The following EHMT2 variants were observed in gnomAD, a reference collection of about 807,000 sequenced individuals.
EHMT2 encodes the protein histone-lysine N-methyltransferase EHMT2.
A neutral mutation model predicts 143.3 loss-of-function variants in EHMT2; 59 were observed. The observed-to-expected ratio is 0.41, with a 90% confidence interval of 0.33 to 0.51. The LOEUF is 0.51. Ranked by LOEUF, EHMT2 falls within the 20% of genes least tolerant of loss-of-function variation. The probability of loss-of-function intolerance (pLI) is 0.18; values close to 1 mark genes in which losing one functional copy is unlikely to be tolerated. For synonymous variants in EHMT2, 604 were observed against 651.5 expected (o/e 0.93, Z 1.11); for missense variants, 1,174 against 1,645.9 (o/e 0.71, Z 4.96).
chr6:31,889,000 G>A lies in EHMT2; in HGVS notation c.1185C>T (p.Pro395=), dbSNP rs1029380899. 1.2e-6 allele frequency: 2 copies of A among 1,600,604 alleles called. No individual in the cohort carries two copies. The highest frequency in any genetic ancestry group is 1.7e-6 in the Non-Finnish European group (2 of 1,175,794). ...GGTTGGGGGAGAGGGTCCCCTCGCT[G>A]GGCAGCTCCAGGGACCCCAGAGGGA... The change falls in exon 10 of 28, where the codon CCC becomes CCT. Residue 395 remains proline, a synonymous_variant. Coordinates refer to ENST00000375537, the Ensembl canonical transcript of EHMT2. This position sits in a 1 kb window ranked among gnomAD's most constrained non-coding sequence, Gnocchi z 7.4.
In EHMT2 at chr6:31,887,981, T is replaced by A; in HGVS notation, c.1746-20A>T. ...CGGGCACTGTGGAAGAAGGAGCTCATGTCCAGGAGCAATAGGGGTGGGGGA... is the reference window on the plus strand; with the variant it reads ...CGGGCACTGTGGAAGAAGGAGCTCAAGTCCAGGAGCAATAGGGGTGGGGGA... On this transcript the variant is annotated intron_variant, in intron 13 of 27. Coordinates refer to ENST00000375537, the Ensembl canonical transcript of EHMT2. 2 of 1,576,556 alleles carry A rather than the reference T, an allele frequency of 1.3e-6. No homozygotes were observed. Among genetic ancestry groups the A allele is most frequent in the Non-Finnish European group, 8.6e-7 (1 of 1,159,548 alleles).
exon 4 of EHMT2, chr6:31,896,496 G>T: frequency 6.2e-7 from 1 of 1,612,900 alleles, no homozygotes. Flanking sequence ...GGGGAAGAGG[G>T]GAATGACTTT....
chr6:31,896,818 C>T (rs1405044337), exon 3 of EHMT2: 3 of 1,612,920 alleles, frequency 1.9e-6, no homozygotes, highest in Non-Finnish European at 2.5e-6. Context: ...CCCCAAAGAG[C>T]CATGAACTGT....
Position 31,880,436 on chromosome 6 carries a change from G to T in EHMT2, c.3453-172C>A. 1 of 882,150 alleles carries T rather than the reference G, an allele frequency of 1.1e-6. No individual in the cohort carries two copies. Among genetic ancestry groups the T allele is most frequent in the Non-Finnish European group, 1.7e-6 (1 of 593,538 alleles). The allele number at this position is 882,150 out of a possible 1,614,324, so 54.6% of individuals were successfully genotyped here. On this transcript the variant is annotated intron_variant, in intron 27 of 27. Coordinates refer to ENST00000375537, the Ensembl canonical transcript of EHMT2. This position sits in a 1 kb window ranked among gnomAD's most constrained non-coding sequence, Gnocchi z 6.6. ...GGACTTTCAGCATCAGCATTGCCTG[G>T]GGACTTTTTAGAAATGCAGAATCCT...
intron 15 of EHMT2, 48 bp downstream of exon 15, chr6:31,887,529 A>G (rs767790519): frequency 1.9e-6 from 3 of 1,551,104 alleles, no homozygotes; most frequent in Non-Finnish European, 2.7e-6. Flanking sequence ...TGCCTGGTAT[A>G]TACATGAAGC....
rs1764425022 is a variant in EHMT2 at position 31,883,725 on chromosome 6, C to T, written c.2916+81G>A. On this transcript the variant is annotated intron_variant, in intron 22 of 27. Transcript: ENST00000375537. This position sits in a 1 kb window ranked among gnomAD's most constrained non-coding sequence, Gnocchi z 5.6. ...CAGCCAACCCTTCCTTGGCCAGGTGCCTTTGCTGGTTTGAAGCTTGTCCAA... is the reference window on the plus strand; with the variant it reads ...CAGCCAACCCTTCCTTGGCCAGGTGTCTTTGCTGGTTTGAAGCTTGTCCAA... 6.4e-7 allele frequency: 1 copy of T among 1,557,850 alleles called. No homozygotes were observed. The highest frequency in any genetic ancestry group is 1.8e-5 in the Admixed American group (1 of 56,994).
chr6:31,883,586 A>C lies in EHMT2; in HGVS notation c.2917-147T>G. ...TGGTGATGGTCCTAGGGTGACGGGT[A>C]ATCAGTATGGTGGTGTCCCCAGGGC... On this transcript the variant is annotated intron_variant, in intron 22 of 27. Coordinates refer to ENST00000375537, the Ensembl canonical transcript of EHMT2. This position sits in a 1 kb window ranked among gnomAD's most constrained non-coding sequence, Gnocchi z 5.6. 1 of 990,832 alleles carries C rather than the reference A, an allele frequency of 1.0e-6. No homozygotes were observed. The highest frequency in any genetic ancestry group is 1.5e-6 in the Non-Finnish European group (1 of 651,058). 61.4% of individuals were successfully genotyped at this position (990,832 alleles called of 1,614,324 possible).
chr6:31,892,540 C>T (rs544971887), exon 7 of EHMT2: 18 of 1,612,994 alleles, frequency 1.1e-5, no homozygotes, highest in African/African-American at 5.3e-5. Flanking sequence ...TCCTGAACGC[C>T]GGGCAGAACC....
chr6:31,881,133 C>T lies in EHMT2; in HGVS notation c.3198-41G>A. Reference sequence around the variant, plus strand: ...CCATGGTTCTGAAGGTGAGTGTGGGCTATTAGGAGGTGGCTCCAGGCCCCA... The same window carrying T: ...CCATGGTTCTGAAGGTGAGTGTGGGTTATTAGGAGGTGGCTCCAGGCCCCA... On this transcript the variant is annotated intron_variant, in intron 25 of 27. Transcript: ENST00000375537. The surrounding 1 kb of genome is among the most constrained non-coding windows in gnomAD (Gnocchi z 4.8). 6.4e-7 allele frequency: 1 copy of T among 1,569,790 alleles called. No individual in the cohort carries two copies. The highest frequency in any genetic ancestry group is 8.8e-7 in the Non-Finnish European group (1 of 1,141,192).
chr6:31,883,602 TC>T lies in EHMT2; in HGVS notation c.2917-164del. The stretch of plus-strand genomic sequence containing the variant: ...GTGACGGGTAATCAGTATGGTGGTG[TC>T]CCCAGGGCTACTGGGAGCTCATATG... On this transcript the variant is annotated intron_variant, in intron 22 of 27. Coordinates refer to ENST00000375537, the Ensembl canonical transcript of EHMT2. This position sits in a 1 kb window ranked among gnomAD's most constrained non-coding sequence, Gnocchi z 5.6. 1.0e-6 allele frequency: 1 copy of T among 967,796 alleles called. No individual in the cohort carries two copies. The highest frequency in any genetic ancestry group is 1.6e-6 in the Non-Finnish European group (1 of 636,022). 60.0% of individuals were successfully genotyped at this position (967,796 alleles called of 1,614,324 possible). A position where few individuals can be genotyped will look rare whatever the true frequency, so the allele number is the denominator to read the frequency against.
rs768844856 is a variant in EHMT2 at position 31,880,807 on chromosome 6, G to A, written c.3318C>T (p.Asn1106=). The A allele has an allele frequency of 4.3e-6, 7 of 1,613,922 alleles. No homozygotes were observed. Among genetic ancestry groups the A allele is most frequent in the Middle Eastern group, 1.6e-4 (1 of 6,062 alleles). ...ACAGGTGGTTGATGAAGCGGCTGAT[G>A]TTGCCATAGTAACGGGCATCTATGC... Residue 1106 remains asparagine, a synonymous_variant, in exon 27 of 28, where the codon AAC becomes AAT. Transcript: ENST00000375537. The surrounding 1 kb of genome is among the most constrained non-coding windows in gnomAD (Gnocchi z 6.6).
At chr6:31,891,833 C>CATGTTTTCTTTTTTAAAT (rs1765726819) in intron 7 of EHMT2, among the ~76,000 whole-genome samples, 1 of 151,558 alleles carries the variant, frequency 6.6e-6, no homozygotes, top group African/African-American at 2.4e-5. Context: ...TTTTTTTAAA[C>CATGTTTTCTTTTTTAAAT]AGTACATGTC....
Position 31,883,963 on chromosome 6 carries a change from G to A in EHMT2, c.2772-13C>T, listed in dbSNP as rs1554260398. The A allele has an allele frequency of 6.1e-5, 99 of 1,612,482 alleles. 1 individual carries two copies. The South Asian group carries it at 7.1e-4, about 12-fold the overall frequency. ...CCGAGCCACGTCCCTGCAGAAGACG[G>A]GAAGAAGGGGCTGGGAAGCTGGAAA... On this transcript the variant is annotated splice_polypyrimidine_tract_variant and intron_variant, in intron 21 of 27. Transcript: ENST00000375537. The surrounding 1 kb of genome is among the most constrained non-coding windows in gnomAD (Gnocchi z 5.6).
exon 14 of EHMT2, chr6:31,887,902 G>A: frequency 6.2e-7 from 1 of 1,609,488 alleles, no homozygotes; most frequent in South Asian, 1.1e-5. Flanking sequence ...GCTGTCAATG[G>A]TGTCAGCCAG....
Position 31,881,140 on chromosome 6 carries a change from G to C in EHMT2, c.3198-48C>G. The C allele has an allele frequency of 6.5e-7, 1 of 1,542,008 alleles. No individual in the cohort carries two copies. The highest frequency in any genetic ancestry group is 9.0e-7 in the Non-Finnish European group (1 of 1,116,186). On this transcript the variant is annotated intron_variant, in intron 25 of 27. Transcript: ENST00000375537. The surrounding 1 kb of genome is among the most constrained non-coding windows in gnomAD (Gnocchi z 4.8). The stretch of plus-strand genomic sequence containing the variant: ...TCTGAAGGTGAGTGTGGGCTATTAG[G>C]AGGTGGCTCCAGGCCCCATCTCTCT...
At chr6:31,880,000 AGGCATGGGCT>A (rs1763886194) in exon 28 of EHMT2, 1 of 1,471,084 alleles carries the variant, frequency 6.8e-7, no homozygotes, top group South Asian at 1.2e-5. Flanking sequence ...CAGCACCCCC[AGGCATGGGCT>A]GCGAGCAGCT....
intron 14 of EHMT2, 39 bp downstream of exon 14, chr6:31,887,740 T>G (rs1191232476): frequency 1.9e-6 from 3 of 1,603,778 alleles, no homozygotes; most frequent in Non-Finnish European, 2.5e-6. Flanking sequence ...TCCTCTGGCC[T>G]CAGCCCCAGT....
rs138207889 is a variant in EHMT2 at position 31,894,723 on chromosome 6, G to A, written c.582+1540C>T. 1.3e-3 allele frequency among the ~76,000 whole-genome samples: 204 copies of A among 152,190 alleles called. 1 individual carries two copies. The highest frequency in any genetic ancestry group is 9.1e-4 in the Non-Finnish European group (62 of 68,016). On this transcript the variant is annotated intron_variant, in intron 4 of 27. Transcript: ENST00000375537. ...GTTGCCCAGGCTGAACCGCAGTGGC[G>A]CGATCTTGGCTCACTGCAAGTGATT...
At chr6:31,887,578 C>T (rs1371728172) in exon 15 of EHMT2, 9 of 1,612,884 alleles carry the variant, frequency 5.6e-6, no homozygotes, top group Non-Finnish European at 6.8e-6. Context: ...GGCACTCACA[C>T]AGCATCAGGA....
Sources: gnomAD v4.1 joint callset for allele counts (sites outside exome capture counted in the v4.1 genomes callset) on GRCh38, gnomAD v4.1.1 for gene constraint, Gnocchi (gnomAD v3.1) non-coding constraint, MANE v1.5 for transcripts, NCBI Gene and HGNC (gene_info 2026-07-23, HGNC 2026-07-21) for gene names.